CCDC6: variants seen among roughly 807,000 people sequenced by gnomAD.
The protein encoded by CCDC6 is coiled-coil domain-containing protein 6.
In CCDC6, 20 loss-of-function variants were observed where a neutral mutation model predicts 56.6. The ratio of observed to expected loss-of-function variants is 0.35; its 90% CI spans 0.25 to 0.51. The LOEUF (loss-of-function observed/expected upper bound fraction) is 0.51, where lower values mean the gene tolerates loss of function less well. CCDC6 is among the 20% of genes least tolerant of loss of function. CCDC6 has a pLI of 0.95. For missense variants in CCDC6, 367 were observed against 601.1 expected, an observed-to-expected ratio of 0.61 and a Z score of 4.07; for synonymous variants, 241 against 234.4, an observed-to-expected ratio of 1.03 and a Z score of -0.26.
intron 6 of CCDC6, 162 bp from the exon 7 acceptor site, chr10:59,804,682 C>A: frequency 1.7e-6 from 1 of 584,498 alleles, no homozygotes; most frequent in Non-Finnish European, 3.1e-6. Flanking sequence ...ACTCCTGAGT[C>A]ACACCGCTCT....
At chr10:59,888,569 T>C (rs1209916846) in intron 1 of CCDC6, among the ~76,000 whole-genome samples, 1 of 152,050 alleles carries the variant, frequency 6.6e-6, no homozygotes, top group Non-Finnish European at 1.5e-5. Flanking sequence ...GCCAGCAGCC[T>C]AAGGGCACAG....
rs933238352 is a variant in CCDC6 at position 59,838,229 on chromosome 10, CA to C, written c.454-5577del. On this transcript the variant is annotated intron_variant, in intron 2 of 8. Transcript: ENST00000263102. ...TGAAGTCAGCCTCCATAACAGCTGT[CA>C]CACACACACACACTCTCCTTTGTGT... is the stretch of plus-strand genomic sequence containing the variant. Among the ~76,000 whole-genome samples, 5 of 38,718 alleles carry C rather than the reference CA, an allele frequency of 1.3e-4. No individual in the cohort carries two copies. In the African/African-American group the frequency reaches 2.4e-3, roughly 19 times the overall value. The allele number at this position is 38,718 out of a possible 152,430, so 25.4% of individuals were successfully genotyped here. A position where few individuals can be genotyped will look rare whatever the true frequency, so the allele number is the denominator to read the frequency against.
chr10:59,900,216 T>C (rs995572916), intron 1 of CCDC6, among the ~76,000 whole-genome samples: 2 of 151,742 alleles, frequency 1.3e-5, no homozygotes, highest in African/African-American at 2.4e-5. Context: ...GGGGGGGTGG[T>C]GTCTATGGAA....
chr10:59,814,766 G>GA lies in CCDC6; in HGVS notation c.583-12dup. The GA allele has an allele frequency of 6.4e-7, 1 of 1,560,322 alleles. No individual in the cohort carries two copies. Among genetic ancestry groups the GA allele is most frequent in the Non-Finnish European group, 8.8e-7 (1 of 1,132,924 alleles). The stretch of plus-strand genomic sequence containing the variant: ...CTTCTCCCGTCTCAACTAAAGGAAG[G>GA]AAAAAAGTGTTACCAAAGTGTCAGG... On this transcript the variant is annotated splice_polypyrimidine_tract_variant and intron_variant, in intron 3 of 8. Coordinates refer to ENST00000263102, the MANE Select transcript of CCDC6 (RefSeq NM_005436.5).
At chr10:59,827,391 A>G (rs1467544143) in intron 3 of CCDC6, among the ~76,000 whole-genome samples, 1 of 152,218 alleles carries the variant, frequency 6.6e-6, no homozygotes, top group Non-Finnish European at 1.5e-5. Flanking sequence ...TTACCATATA[A>G]ATGTATTTCT....
At chr10:59,851,518 G>C (rs2132656028) in intron 2 of CCDC6, among the ~76,000 whole-genome samples, 1 of 152,152 alleles carries the variant, frequency 6.6e-6, no homozygotes, top group African/African-American at 2.4e-5. Flanking sequence ...AGAAAGACAG[G>C]GGTAAAAGCT....
intron 1 of CCDC6, among the ~76,000 whole-genome samples, chr10:59,904,617 G>C (rs2071528993): frequency 6.6e-6 from 1 of 152,204 alleles, no homozygotes; most frequent in South Asian, 2.1e-4. Flanking sequence ...TAGGAGGCTT[G>C]GAAGTGGCTG....
intron 7 of CCDC6, among the ~76,000 whole-genome samples, chr10:59,802,924 A>G (rs1589034653): frequency 6.6e-6 from 1 of 152,252 alleles, no homozygotes; most frequent in Non-Finnish European, 1.5e-5. Context: ...TATCTTTAAT[A>G]TGAATCAGCA....
chr10:59,830,741 G>C (rs2070828217), intron 3 of CCDC6, among the ~76,000 whole-genome samples: 2 of 152,138 alleles, frequency 1.3e-5, no homozygotes, highest in African/African-American at 4.8e-5. Context: ...CTTAAGACAG[G>C]GAGGCAGGAC....
intron 1 of CCDC6, among the ~76,000 whole-genome samples, chr10:59,854,479 TC>T (rs1208920120): frequency 6.6e-6 from 1 of 152,210 alleles, no homozygotes; most frequent in Admixed American, 6.5e-5. Flanking sequence ...TCTGGGGTAG[TC>T]CAAGAGAGCT....
intron 2 of CCDC6, among the ~76,000 whole-genome samples, chr10:59,838,107 C>T (rs2070900976): frequency 6.6e-6 from 1 of 152,098 alleles, no homozygotes; most frequent in East Asian, 1.9e-4. Context: ...TCACTAAGGG[C>T]TTCTTGGGCC....
At position 59,790,706 on chromosome 10, in the gene CCDC6, G is replaced by T; in HGVS notation, c.*2211C>A. ...TTATTTCGAAGTGAAATGACTTTGG[G>T]AACCAGAACATTTCTGCAGATGTCT... is the stretch of plus-strand genomic sequence containing the variant. On this transcript the variant is annotated 3_prime_UTR_variant, in exon 9 of 9. Transcript: ENST00000263102. 1 of 220,096 alleles carries T rather than the reference G, an allele frequency of 4.5e-6. No individual in the cohort carries two copies. The highest frequency in any genetic ancestry group is 9.1e-6 in the Non-Finnish European group (1 of 109,936). 13.6% of individuals were successfully genotyped at this position (220,096 alleles called of 1,614,324 possible).
intron 1 of CCDC6, among the ~76,000 whole-genome samples, chr10:59,874,876 C>T (rs572136921): frequency 1.3e-5 from 2 of 152,300 alleles, no homozygotes; most frequent in African/African-American, 4.8e-5. Flanking sequence ...TCCAGAAAAA[C>T]TGCAGCCCTG....
Position 59,789,401 on chromosome 10 carries a change from T to C in CCDC6, c.*3516A>G, listed in dbSNP as rs966390552. Reference sequence around the variant, plus strand: ...CATTCCAGAAAATGCCCCCCACGACTTTATGCTAACAGCTGTGTGTATGTT... The same window carrying C: ...CATTCCAGAAAATGCCCCCCACGACCTTATGCTAACAGCTGTGTGTATGTT... On this transcript the variant is annotated 3_prime_UTR_variant, in exon 9 of 9. Coordinates refer to ENST00000263102, the MANE Select transcript of CCDC6 (RefSeq NM_005436.5). The C allele has an allele frequency of 4.3e-5, 10 of 230,008 alleles. No homozygotes were observed. The Admixed American group carries it at 5.7e-4, about 13-fold the overall frequency. 14.2% of individuals were successfully genotyped at this position (230,008 alleles called of 1,614,324 possible). A position where few individuals can be genotyped will look rare whatever the true frequency, so the allele number is the denominator to read the frequency against.
chr10:59,807,411 G>A (rs2070635144), intron 5 of CCDC6, among the ~76,000 whole-genome samples: 2 of 152,204 alleles, frequency 1.3e-5, no homozygotes, highest in Admixed American at 1.3e-4. Context: ...CTTGAACTCA[G>A]GAGGTGGAGG....
chr10:59,847,462 AC>A (rs1244320027), intron 2 of CCDC6, among the ~76,000 whole-genome samples: 1 of 152,148 alleles, frequency 6.6e-6, no homozygotes, highest in African/African-American at 2.4e-5. Flanking sequence ...TTCTGATTAT[AC>A]TAGTTCTTAA....
At chr10:59,818,666 G>A (rs1299557399) in intron 3 of CCDC6, among the ~76,000 whole-genome samples, 1 of 152,136 alleles carries the variant, frequency 6.6e-6, no homozygotes, top group Non-Finnish European at 1.5e-5. Flanking sequence ...GTGTGTGTAT[G>A]AGTGTGTCCT....
intron 1 of CCDC6, among the ~76,000 whole-genome samples, chr10:59,898,161 A>G (rs1224286220): frequency 6.6e-6 from 1 of 152,206 alleles, no homozygotes; most frequent in Non-Finnish European, 1.5e-5. Flanking sequence ...TCCATCCACC[A>G]TTATTCCATG....
chr10:59,804,445 C>G lies in CCDC6; in HGVS notation c.1080G>C (p.Pro360=). 6.2e-7 allele frequency: 1 copy of G among 1,612,358 alleles called. No homozygotes were observed. Among genetic ancestry groups the G allele is most frequent in the Non-Finnish European group, 8.5e-7 (1 of 1,178,478 alleles). ...CAGGTGATATAGGCCTGCTTGAACT[C>G]GGAGAAGGTGTGTAAGGGATCGGGC... The part of the protein sequence containing the change: ...VSSPIPYTPS[P]SSSRPISPGL... Residue 360 remains proline, a synonymous_variant, in exon 7 of 9, where the codon CCG becomes CCC. Coordinates refer to ENST00000263102, the MANE Select transcript of CCDC6 (RefSeq NM_005436.5).
Sources: gnomAD v4.1 joint callset for allele counts (sites outside exome capture counted in the v4.1 genomes callset) on GRCh38, gnomAD v4.1.1 for gene constraint, MANE v1.5 for transcripts, NCBI Gene and HGNC (gene_info 2026-07-23, HGNC 2026-07-21) for gene names.